The following SLC33A1 variants were observed in gnomAD, a reference collection of about 807,000 sequenced individuals.
SLC33A1 encodes acetyl-coenzyme A transporter 1.
SLC33A1 carries 20 observed loss-of-function variants against 50.0 expected under a neutral mutation model. The observed-to-expected ratio is 0.40, with a 90% CI of 0.28 to 0.58. The LOEUF is 0.58. Among genes scored for constraint, SLC33A1 ranks in the 20% least tolerant of loss-of-function variants. The pLI is 0.44. For synonymous variants in SLC33A1, 265 were observed against 251.8 expected (o/e 1.05, Z -0.50); for missense variants, 476 against 657.0 (o/e 0.72, Z 3.01).
chr3:155,836,005 C>T (rs1440207214), intron 2 of SLC33A1, among the ~76,000 whole-genome samples: 3 of 151,332 alleles, frequency 2.0e-5, no homozygotes, highest in African/African-American at 4.9e-5. Context: ...AATTATAAGG[C>T]CAGACGCGGT....
Position 155,824,998 on chromosome 3 carries a change from G to A in SLC33A1, c.*3212C>T, listed in dbSNP as rs1298426800. 6.6e-6 allele frequency: 1 copy of A among 152,110 alleles called. No homozygotes were observed. Among genetic ancestry groups the A allele is most frequent in the Non-Finnish European group, 1.5e-5 (1 of 68,026 alleles). 9.4% of individuals were successfully genotyped at this position (152,110 alleles called of 1,614,324 possible). A position where few individuals can be genotyped will look rare whatever the true frequency, so the allele number is the denominator to read the frequency against. On this transcript the variant is annotated 3_prime_UTR_variant, in exon 6 of 6. Transcript: ENST00000643144. The stretch of plus-strand genomic sequence containing the variant: ...CACCTGTAATCCCAGCATTTTGAGA[G>A]GTCAAGGCTGGACGACTGCTTGAAG...
chr3:155,829,687 C>G lies in SLC33A1; in HGVS notation c.1482+1G>C. 1.9e-6 allele frequency: 3 copies of G among 1,602,746 alleles called. No homozygotes were observed. The highest frequency in any genetic ancestry group is 2.6e-6 in the Non-Finnish European group (3 of 1,169,702). ...GTTATCTAAAATTAAAACATACTTACCTCAACAGCATCAGGTGTTCGACAA... is the reference window on the plus strand; with the variant it reads ...GTTATCTAAAATTAAAACATACTTAGCTCAACAGCATCAGGTGTTCGACAA... On this transcript the variant is annotated splice_donor_variant, in intron 5 of 5. Coordinates refer to ENST00000643144, the MANE Select transcript of SLC33A1 (RefSeq NM_004733.4). LOFTEE classifies it high-confidence loss of function.
Position 155,821,546 on chromosome 3 carries a change from A to C in SLC33A1, c.*6664T>G, listed in dbSNP as rs1317230289. ...CGATGGTGCGATCTCGGCTCACCGC[A>C]ACCCCTGCCTCCCGGGTTCAAGCGA... On this transcript the variant is annotated 3_prime_UTR_variant, in exon 6 of 6. Coordinates refer to ENST00000643144, the MANE Select transcript of SLC33A1 (RefSeq NM_004733.4). The C allele has an allele frequency of 1.3e-5, 2 of 152,052 alleles. No homozygotes were observed. Among genetic ancestry groups the C allele is most frequent in the East Asian group, 3.9e-4 (2 of 5,166 alleles). 9.4% of individuals were successfully genotyped at this position (152,052 alleles called of 1,614,324 possible).
chr3:155,848,333 T>C (rs1246039757), intron 1 of SLC33A1, among the ~76,000 whole-genome samples: 1 of 152,108 alleles, frequency 6.6e-6, no homozygotes, highest in Non-Finnish European at 1.5e-5. Flanking sequence ...CTAAGAAGTG[T>C]TTGTAAAATT....
intron 1 of SLC33A1, among the ~76,000 whole-genome samples, chr3:155,847,663 G>A (rs1040752051): frequency 2.0e-5 from 3 of 151,932 alleles, no homozygotes; most frequent in East Asian, 3.9e-4. Context: ...CAGGAGAATC[G>A]CTTGAACCTG....
At chr3:155,840,315 T>C (rs1224692960) in intron 2 of SLC33A1, among the ~76,000 whole-genome samples, 1 of 151,934 alleles carries the variant, frequency 6.6e-6, no homozygotes, top group East Asian at 2.0e-4. Flanking sequence ...CTCGAACTCC[T>C]GGCCTCAAGT....
In SLC33A1 at chr3:155,827,540, T is replaced by A. The variant is rs887894195; in HGVS notation, c.*670A>T. On this transcript the variant is annotated 3_prime_UTR_variant, in exon 6 of 6. Transcript: ENST00000643144. ...GAGGAATCAATAAGTTTAAAAATCA[T>A]AACTTTCATTTTATAAAAAATAGTT... is the stretch of plus-strand genomic sequence containing the variant. 1 of 152,208 alleles carries A rather than the reference T, an allele frequency of 6.6e-6. No individual in the cohort carries two copies. The highest frequency in any genetic ancestry group is 2.4e-5 in the African/African-American group (1 of 41,462). 9.4% of individuals were successfully genotyped at this position (152,208 alleles called of 1,614,324 possible).
chr3:155,830,712 A>G (rs1200942549), intron 4 of SLC33A1, among the ~76,000 whole-genome samples: 2 of 152,132 alleles, frequency 1.3e-5, no homozygotes, highest in Admixed American at 1.3e-4. Context: ...TTGCATGTGT[A>G]TATATACATA....
intron 1 of SLC33A1, among the ~76,000 whole-genome samples, chr3:155,843,417 TG>T (rs1387076318): frequency 2.0e-5 from 3 of 152,176 alleles, no homozygotes; most frequent in Non-Finnish European, 4.4e-5. Context: ...CTCAATAATA[TG>T]ATATAAAAGG....
Position 155,824,083 on chromosome 3 carries a change from TAA to T in SLC33A1, c.*4125_*4126del, listed in dbSNP as rs970850239. 6.6e-6 allele frequency: 1 copy of T among 151,876 alleles called. No individual in the cohort carries two copies. The highest frequency in any genetic ancestry group is 2.1e-4 in the South Asian group (1 of 4,820). 9.4% of individuals were successfully genotyped at this position (151,876 alleles called of 1,614,324 possible). On this transcript the variant is annotated 3_prime_UTR_variant, in exon 6 of 6. Transcript: ENST00000643144. The stretch of plus-strand genomic sequence containing the variant: ...CTCGCTATCTACCAAAGACATTGGT[TAA>T]AAAAAAGTCTCAGCAGTTACAATGT...
chr3:155,853,647 C>T lies in SLC33A1; in HGVS notation c.351G>A (p.Trp117Ter). 2 of 1,614,138 alleles carry T rather than the reference C, an allele frequency of 1.2e-6. No homozygotes were observed. The highest frequency in any genetic ancestry group is 1.7e-6 in the Non-Finnish European group (2 of 1,180,014). Residue 117 changes from tryptophan to a stop codon, truncating the protein, a stop_gained, in exon 1 of 6, where the codon TGG becomes TGA. Coordinates refer to ENST00000643144, the MANE Select transcript of SLC33A1 (RefSeq NM_004733.4). LOFTEE classifies it high-confidence loss of function. ...TDQAFFSFVF[W>*]PFSLKLLWAP... ...CCCAGAGTAATTTGAGACTGAAGGGCCAAAAGACAAAACTGAAGAAAGCTT... is the reference window on the plus strand; with the variant it reads ...CCCAGAGTAATTTGAGACTGAAGGGTCAAAAGACAAAACTGAAGAAAGCTT...
Position 155,826,899 on chromosome 3 carries a change from C to G in SLC33A1, c.*1311G>C, listed in dbSNP as rs559315429. ...AAAATTAAGACTCATAATGTACTAT[C>G]TTGTTTCGTCTAACTTTTGGAGGAT... On this transcript the variant is annotated 3_prime_UTR_variant, in exon 6 of 6. Transcript: ENST00000643144. The G allele has an allele frequency of 3.5e-4, 53 of 152,262 alleles. No homozygotes were observed. The highest frequency in any genetic ancestry group is 1.3e-3 in the African/African-American group (53 of 41,536). The allele number at this position is 152,262 out of a possible 1,614,324, so 9.4% of individuals were successfully genotyped here. A position where few individuals can be genotyped will look rare whatever the true frequency, so the allele number is the denominator to read the frequency against.
chr3:155,850,982 G>A (rs1438574711), intron 1 of SLC33A1, among the ~76,000 whole-genome samples: 5 of 150,980 alleles, frequency 3.3e-5, no homozygotes, highest in African/African-American at 7.3e-5. Flanking sequence ...AGTGGCTTAC[G>A]CCTGTAATCC....
intron 4 of SLC33A1, among the ~76,000 whole-genome samples, chr3:155,830,677 A>G (rs955181284): frequency 2.0e-5 from 3 of 152,070 alleles, no homozygotes; most frequent in Non-Finnish European, 4.4e-5. Flanking sequence ...TCATATTTGT[A>G]CTGTACCTAA....
rs1259966402 is a variant in SLC33A1, at chr3:155,823,767, A to G, written c.*4443T>C. 6.6e-6 allele frequency: 1 copy of G among 152,144 alleles called. No individual in the cohort carries two copies. The highest frequency in any genetic ancestry group is 1.5e-5 in the Non-Finnish European group (1 of 68,094). The allele number at this position is 152,144 out of a possible 1,614,324, so 9.4% of individuals were successfully genotyped here. ...CGCTCTGTCGCCCAGGCTGAAGTGT[A>G]GTGGCGCAATCTCAACTCACTGCAA... On this transcript the variant is annotated 3_prime_UTR_variant, in exon 6 of 6. Transcript: ENST00000643144.
chr3:155,834,039 A>G lies in SLC33A1; in HGVS notation c.966T>C (p.Ile322=), dbSNP rs1752560080. 3.7e-6 allele frequency: 6 copies of G among 1,612,792 alleles called. No homozygotes were observed. Among genetic ancestry groups the G allele is most frequent in the Non-Finnish European group, 5.1e-6 (6 of 1,179,042 alleles). Residue 322 remains isoleucine (I), a splice_region_variant and synonymous_variant, in exon 3 of 6, where the codon ATT becomes ATC. Transcript: ENST00000643144. ...TFCLLILTAK[I]GFSAADAVTG... is the part of the protein sequence containing the mutation. ...TTACAGCATCTGCTGCTGAAAAACCAATCTGCAATATAAAAACAAAAAAGT... is the reference window on the plus strand; with the variant it reads ...TTACAGCATCTGCTGCTGAAAAACCGATCTGCAATATAAAAACAAAAAAGT...
chr3:155,822,156 T>C lies in SLC33A1; in HGVS notation c.*6054A>G, dbSNP rs1489374186. ...TATAGGGGCAGGTGATAAAAAAATT[T>C]CAATTTCACTAACTCTGACTACAAA... is the stretch of plus-strand genomic sequence containing the variant. On this transcript the variant is annotated 3_prime_UTR_variant, in exon 6 of 6. Transcript: ENST00000643144. 6.6e-6 allele frequency: 1 copy of C among 152,208 alleles called. No homozygotes were observed. Among genetic ancestry groups the C allele is most frequent in the Non-Finnish European group, 1.5e-5 (1 of 68,040 alleles). 9.4% of individuals were successfully genotyped at this position (152,208 alleles called of 1,614,324 possible).
In SLC33A1 at chr3:155,831,457, C is replaced by CAAAAAAAAAAAAA. The variant is rs397991448; in HGVS notation, c.1267-1567_1267-1555dup. 2.8e-3 allele frequency among the ~76,000 whole-genome samples: 132 copies of CAAAAAAAAAAAAA among 46,702 alleles called. 16 individuals carry two copies. The highest frequency in any genetic ancestry group is 7.4e-3 in the African/African-American group (128 of 17,204). The allele number at this position is 46,702 out of a possible 152,430, so 30.6% of individuals were successfully genotyped here. A position where few individuals can be genotyped will look rare whatever the true frequency, so the allele number is the denominator to read the frequency against. ...TGGGCAACAGAGTGAGACTCTGTCT[C>CAAAAAAAAAAAAA]AAAAAAAAAAAAAAAAAAAAAAAAA... On this transcript the variant is annotated intron_variant, in intron 4 of 5. Transcript: ENST00000643144.
intron 1 of SLC33A1, among the ~76,000 whole-genome samples, chr3:155,851,384 C>G (rs1753393866): frequency 6.7e-6 from 1 of 149,512 alleles, no homozygotes; most frequent in Non-Finnish European, 1.5e-5. Context: ...GCTAGGGTTA[C>G]AGGCCTTCGC....
Sources: gnomAD v4.1 joint callset for allele counts (sites outside exome capture counted in the v4.1 genomes callset) on GRCh38, gnomAD v4.1.1 for gene constraint, MANE v1.5 for transcripts, NCBI Gene and HGNC (gene_info 2026-07-23, HGNC 2026-07-21) for gene names.